The following PTPRK variants were observed in gnomAD, a reference collection of about 807,000 sequenced individuals.
PTPRK encodes the protein protein tyrosine phosphatase receptor type K, also known as receptor-type tyrosine-protein phosphatase kappa.
In PTPRK, 75 loss-of-function variants were observed where a neutral mutation model predicts 178.0. That is an observed-to-expected ratio of 0.42 (90% CI 0.35 to 0.51). The LOEUF (loss-of-function observed/expected upper bound fraction) is 0.51, where lower values mean the gene tolerates loss of function less well. Ranked by LOEUF, PTPRK falls within the 20% of genes least tolerant of loss-of-function variation. PTPRK has a pLI of 0.02. For synonymous variants in PTPRK, 637 were observed against 620.6 expected (o/e 1.03, Z -0.39); for missense variants, 1,441 against 1,797.8 (o/e 0.80, Z 3.59).
At chr6:128,039,258 C>A (rs531857862) in intron 13 of PTPRK, among the ~76,000 whole-genome samples, 31 of 152,158 alleles carry the variant, frequency 2.0e-4, no homozygotes, top group African/African-American at 7.0e-4. Flanking sequence ...CTTATATTTT[C>A]TTACTTGAAA....
At chr6:128,292,763 A>G (rs2128307643) in intron 3 of PTPRK, among the ~76,000 whole-genome samples, 1 of 152,240 alleles carries the variant, frequency 6.6e-6, no homozygotes, top group Admixed American at 6.6e-5. Flanking sequence ...TATCCATTAT[A>G]GTATTTGAAT....
At chr6:128,263,685 TAAC>T (rs1467208583) in intron 3 of PTPRK, among the ~76,000 whole-genome samples, 3 of 152,308 alleles carry the variant, frequency 2.0e-5, no homozygotes, top group East Asian at 3.9e-4. Context: ...ATGATTGTGT[TAAC>T]AACAAGATCA....
At chr6:128,444,398 T>A (rs1846675453) in intron 1 of PTPRK, among the ~76,000 whole-genome samples, 1 of 152,134 alleles carries the variant, frequency 6.6e-6, no homozygotes, top group African/African-American at 2.4e-5. Flanking sequence ...ATCCCCTTTT[T>A]CCTCTGAGAT....
chr6:128,167,323 A>G (rs1377344656), intron 7 of PTPRK, among the ~76,000 whole-genome samples: 1 of 151,992 alleles, frequency 6.6e-6, no homozygotes, highest in Non-Finnish European at 1.5e-5. Flanking sequence ...AATTAAAAAT[A>G]ATCTCAGAAG....
At chr6:128,192,171 G>T (rs936972258) in intron 6 of PTPRK, among the ~76,000 whole-genome samples, 5 of 152,232 alleles carry the variant, frequency 3.3e-5, no homozygotes, top group African/African-American at 1.2e-4. Flanking sequence ...GGGAAAATGG[G>T]AGGTAAATCA....
intron 2 of PTPRK, among the ~76,000 whole-genome samples, chr6:128,378,199 C>T (rs1837372093): frequency 6.6e-6 from 1 of 151,986 alleles, no homozygotes; most frequent in Non-Finnish European, 1.5e-5. Flanking sequence ...TTAAGTAAAA[C>T]ATAAGTTAGG....
intron 2 of PTPRK, among the ~76,000 whole-genome samples, chr6:128,370,745 CA>C (rs1186714315): frequency 6.6e-6 from 1 of 152,050 alleles, no homozygotes; most frequent in Non-Finnish European, 1.5e-5. Context: ...ATTCATCTCA[CA>C]AAAAAGCACG....
intron 2 of PTPRK, among the ~76,000 whole-genome samples, chr6:128,388,144 C>T (rs1839030328): frequency 6.6e-6 from 1 of 152,140 alleles, no homozygotes; most frequent in Non-Finnish European, 1.5e-5. Context: ...ACTCTACTTA[C>T]AGATCTATGC....
intron 1 of PTPRK, among the ~76,000 whole-genome samples, chr6:128,485,574 A>C (rs911360272): frequency 2.0e-5 from 3 of 152,200 alleles, no homozygotes; most frequent in African/African-American, 7.2e-5. Context: ...TGCTATGATA[A>C]ATAAAATGAA....
intron 7 of PTPRK, among the ~76,000 whole-genome samples, chr6:128,157,978 TG>T (rs1184221285): frequency 6.6e-6 from 1 of 152,062 alleles, no homozygotes; most frequent in African/African-American, 2.4e-5. Context: ...TTGTTGCCAT[TG>T]CTTTTGGTGT....
chr6:128,392,084 C>A (rs1325642356), intron 2 of PTPRK, among the ~76,000 whole-genome samples: 2 of 152,048 alleles, frequency 1.3e-5, no homozygotes, highest in African/African-American at 2.4e-5. Context: ...GTTTTATAAT[C>A]CCCTACATTC....
intron 1 of PTPRK, among the ~76,000 whole-genome samples, chr6:128,514,300 A>G (rs1857604191): frequency 6.6e-6 from 1 of 152,074 alleles, no homozygotes; most frequent in African/African-American, 2.4e-5. Context: ...GAGTTTTGAT[A>G]CCATCTCTAG....
At chr6:128,014,103 G>C (rs1442194527) in intron 13 of PTPRK, among the ~76,000 whole-genome samples, 1 of 151,522 alleles carries the variant, frequency 6.6e-6, no homozygotes, top group Admixed American at 6.6e-5. Context: ...GCCTAAGCTA[G>C]GTTGCACTGG....
At chr6:127,970,731 G>C (rs970404388) in intron 29 of PTPRK, among the ~76,000 whole-genome samples, 1 of 151,774 alleles carries the variant, frequency 6.6e-6, no homozygotes, top group African/African-American at 2.4e-5. Flanking sequence ...AATTATCTTA[G>C]AATAAATATA....
chr6:128,066,834 A>C (rs975768040), intron 12 of PTPRK, among the ~76,000 whole-genome samples: 1 of 152,164 alleles, frequency 6.6e-6, no homozygotes. Context: ...GTCGTTTCTA[A>C]TGTCCTGTTG....
chr6:128,047,344 C>T (rs898092514), intron 13 of PTPRK, among the ~76,000 whole-genome samples: 2 of 152,220 alleles, frequency 1.3e-5, no homozygotes, highest in East Asian at 3.9e-4. Context: ...CTTAGACATT[C>T]CCAGGATATA....
chr6:128,096,124 T>C (rs535567429), intron 7 of PTPRK, among the ~76,000 whole-genome samples: 1 of 152,300 alleles, frequency 6.6e-6, no homozygotes, highest in South Asian at 2.1e-4. Flanking sequence ...ATTACATAAT[T>C]AGCAGGTAAA....
intron 24 of PTPRK, 75 bp downstream of exon 24, chr6:127,982,756 C>T (rs746849397): frequency 5.5e-5 from 75 of 1,367,832 alleles, no homozygotes; most frequent in Non-Finnish European, 6.7e-5. Context: ...CTTGAAAGAC[C>T]TTCCTTGAAA....
intron 2 of PTPRK, among the ~76,000 whole-genome samples, chr6:128,335,499 G>A (rs1446715934): frequency 6.7e-6 from 1 of 149,708 alleles, no homozygotes; most frequent in Non-Finnish European, 1.5e-5. Flanking sequence ...AAGAGCTCAA[G>A]TAGTAGAAGG....
Sources: allele counts gnomAD v4.1 joint callset (sites outside exome capture counted in the v4.1 genomes callset), GRCh38; gene constraint gnomAD v4.1.1; transcripts MANE v1.5; gene names NCBI Gene and HGNC (gene_info 2026-07-23, HGNC 2026-07-21).